The following GATAD2B variants were observed in gnomAD, a reference collection of about 807,000 sequenced individuals.
The protein encoded by GATAD2B is transcriptional repressor p66-beta.
In GATAD2B, 8 loss-of-function variants were observed where a neutral mutation model predicts 64.3. The ratio of observed to expected loss-of-function variants is 0.12; its 90% CI spans 0.07 to 0.22. The LOEUF (loss-of-function observed/expected upper bound fraction) is 0.22, where lower values mean the gene tolerates loss of function less well. GATAD2B is among the 10% of genes least tolerant of loss of function. GATAD2B has a pLI of 1.00. For synonymous variants in GATAD2B, 281 were observed against 271.3 expected (o/e 1.04, Z -0.35); for missense variants, 453 against 752.0 (o/e 0.60, Z 4.65).
chr1:153,879,182 C>T (rs540635723), intron 1 of GATAD2B, among the ~76,000 whole-genome samples: 8 of 152,052 alleles, frequency 5.3e-5, no homozygotes, highest in Admixed American at 1.3e-4. Context: ...CCTCGTGATC[C>T]GCCCGCCTCA....
At chr1:153,888,514 C>T (rs1048182959) in intron 1 of GATAD2B, among the ~76,000 whole-genome samples, 108 of 152,164 alleles carry the variant, frequency 7.1e-4, no homozygotes, top group Admixed American at 2.7e-3. Flanking sequence ...TCATTCACTC[C>T]GATCTGTACC....
Position 153,813,454 on chromosome 1 carries a change from T to G in GATAD2B, c.1217-2A>C. On this transcript the variant is annotated splice_acceptor_variant, in intron 7 of 10. Coordinates refer to ENST00000368655, the MANE Select transcript of GATAD2B (RefSeq NM_020699.4). LOFTEE classifies it high-confidence loss of function. ...GCAGAAGTGAGGCACAGCTTTTGCC[T>G]AGATACCAACAAAAATAGTCAGTGG... 6.2e-7 allele frequency: 1 copy of G among 1,609,166 alleles called. No individual in the cohort carries two copies. The highest frequency in any genetic ancestry group is 8.5e-7 in the Non-Finnish European group (1 of 1,175,468).
rs1486916884 is a variant in GATAD2B at position 153,805,441 on chromosome 1, A to T, written c.*4736T>A. On this transcript the variant is annotated 3_prime_UTR_variant, in exon 11 of 11. Transcript: ENST00000368655. ...GTGGTTGGCTGTGAGATGGGGCTTG[A>T]GGCCTAGTCCCCGCCCTCAGATGAC... 1 of 152,210 alleles carries T rather than the reference A, an allele frequency of 6.6e-6. No homozygotes were observed. Among genetic ancestry groups the T allele is most frequent in the East Asian group, 1.9e-4 (1 of 5,192 alleles). 9.4% of individuals were successfully genotyped at this position (152,210 alleles called of 1,614,324 possible). A position where few individuals can be genotyped will look rare whatever the true frequency, so the allele number is the denominator to read the frequency against.
At chr1:153,899,574 G>GAA (rs79231501) in intron 1 of GATAD2B, among the ~76,000 whole-genome samples, 1 of 113,280 alleles carries the variant, frequency 8.8e-6, no homozygotes, top group African/African-American at 3.2e-5. Flanking sequence ...ATCTTAAAAA[G>GAA]AAAAAAAAAA....
intron 6 of GATAD2B, 103 bp downstream of exon 6, chr1:153,817,269 G>C (rs1674508734): frequency 1.8e-6 from 2 of 1,096,088 alleles, no homozygotes; most frequent in Non-Finnish European, 1.3e-6. Context: ...TTTTGTCCTA[G>C]AGTTTATCTA....
intron 1 of GATAD2B, among the ~76,000 whole-genome samples, chr1:153,829,017 C>T (rs982756319): frequency 6.6e-6 from 1 of 151,732 alleles, no homozygotes; most frequent in Admixed American, 6.6e-5. Context: ...CCAGCCTGGG[C>T]AAAATGGTGA....
At chr1:153,811,605 TGA>T (rs1179371402) in intron 10 of GATAD2B, 124 bp downstream of exon 10, 6 of 725,734 alleles carry the variant, frequency 8.3e-6, no homozygotes, top group African/African-American at 7.2e-5. Context: ...AACAGAAGAG[TGA>T]GAGTGTATGC....
intron 1 of GATAD2B, among the ~76,000 whole-genome samples, chr1:153,872,043 C>T (rs181083081): frequency 1.2e-3 from 189 of 152,116 alleles, no homozygotes; most frequent in Non-Finnish European, 2.2e-3. Context: ...CTAGGCTAGG[C>T]GCGGTGGCTC....
In GATAD2B at chr1:153,915,202, G is replaced by A. The variant is rs563428794; in HGVS notation, c.-2+7531C>T. ...AGGACTTTGGGAGGCCGAGTCAGGC[G>A]GATCACAAGGTCAAGAGATCAAGAC... On this transcript the variant is annotated intron_variant, in intron 1 of 10. Transcript: ENST00000368655. 1.6e-4 allele frequency among the ~76,000 whole-genome samples: 25 copies of A among 152,286 alleles called. No homozygotes were observed. The East Asian group carries it at 3.9e-3, about 24-fold the overall frequency.
chr1:153,853,494 G>A, intron 1 of GATAD2B: 2 of 380,784 alleles, frequency 5.3e-6, no homozygotes, highest in South Asian at 3.4e-5. Flanking sequence ...CTACTGAGTT[G>A]TATGAGTTCC....
intron 1 of GATAD2B, among the ~76,000 whole-genome samples, chr1:153,859,775 G>T (rs890007700): frequency 6.6e-6 from 1 of 151,748 alleles, no homozygotes; most frequent in African/African-American, 2.4e-5. Flanking sequence ...ATTCTCTCAT[G>T]ATGATTAACA....
rs1127091 is a variant in GATAD2B, at chr1:153,806,936, A to G, written c.*3241T>C. ...GGAAAGGTAACCAAAGCAGGAAAAC[A>G]TTTATCTCTGTGTCTTAAAAAAAAA... is the stretch of plus-strand genomic sequence containing the variant. On this transcript the variant is annotated 3_prime_UTR_variant, in exon 11 of 11. Transcript: ENST00000368655. The G allele has an allele frequency of 0.42, 64,344 of 151,944 alleles. 14,562 individuals carry two copies. Among genetic ancestry groups the G allele is most frequent in the Non-Finnish European group, 0.52 (35,146 of 67,944 alleles). The allele number at this position is 151,944 out of a possible 1,614,324, so 9.4% of individuals were successfully genotyped here.
At chr1:153,825,914 C>A (rs1674858727) in intron 2 of GATAD2B, among the ~76,000 whole-genome samples, 1 of 152,074 alleles carries the variant, frequency 6.6e-6, no homozygotes, top group Non-Finnish European at 1.5e-5. Flanking sequence ...ATGAGTCCTA[C>A]AACAAACTCA....
chr1:153,921,887 C>G (rs1678445576), intron 1 of GATAD2B: 1 of 152,190 alleles, frequency 6.6e-6, no homozygotes, highest in African/African-American at 2.4e-5. Context: ...GCACCTGAAC[C>G]TCTGCACTCG....
At chr1:153,815,944 G>A (rs1211122868) in intron 7 of GATAD2B, among the ~76,000 whole-genome samples, 1 of 152,026 alleles carries the variant, frequency 6.6e-6, no homozygotes, top group Non-Finnish European at 1.5e-5. Context: ...TCCCAGCTAC[G>A]TGGGAGGCTG....
intron 1 of GATAD2B, among the ~76,000 whole-genome samples, chr1:153,836,446 T>C (rs1267054190): frequency 6.6e-6 from 1 of 151,744 alleles, no homozygotes; most frequent in Non-Finnish European, 1.5e-5. Context: ...AGACGAGGTT[T>C]CTCCATGTTG....
intron 1 of GATAD2B, among the ~76,000 whole-genome samples, chr1:153,871,266 T>C (rs1476892701): frequency 3.3e-5 from 5 of 152,062 alleles, no homozygotes; most frequent in African/African-American, 1.2e-4. Flanking sequence ...GGGGTTTCAC[T>C]ATGTCAGGCA....
chr1:153,830,045 A>G (rs554815419), intron 1 of GATAD2B, among the ~76,000 whole-genome samples: 1 of 150,732 alleles, frequency 6.6e-6, no homozygotes, highest in African/African-American at 2.4e-5. Context: ...GCAGTGTGCC[A>G]AGATCACACC....
At chr1:153,913,229 G>A (rs1042814540) in intron 1 of GATAD2B, among the ~76,000 whole-genome samples, 16 of 152,032 alleles carry the variant, frequency 1.1e-4, no homozygotes, top group Non-Finnish European at 1.9e-4. Context: ...CACCCAGCCA[G>A]GACAAATTTC....
Sources: gnomAD v4.1 joint callset for allele counts (sites outside exome capture counted in the v4.1 genomes callset) on GRCh38, gnomAD v4.1.1 for gene constraint, MANE v1.5 for transcripts, NCBI Gene and HGNC (gene_info 2026-07-23, HGNC 2026-07-21) for gene names.